Variants in CDC42BPA observed in about 807,000 individuals in gnomAD.
CDC42BPA encodes CDC42 binding protein kinase alpha.
Under a neutral mutation model 223.5 loss-of-function variants are expected in CDC42BPA, and 80 were observed. The ratio of observed to expected loss-of-function variants is 0.36; its 90% CI spans 0.30 to 0.43. CDC42BPA has a LOEUF of 0.43. Ranked by LOEUF, CDC42BPA falls within the 20% of genes least tolerant of loss-of-function variation. The probability of loss-of-function intolerance (pLI) is 1.00; values close to 1 mark genes in which losing one functional copy is unlikely to be tolerated. For missense variants in CDC42BPA, 1,743 were observed against 2,099.9 expected, an observed-to-expected ratio of 0.83 and a Z score of 3.32; for synonymous variants, 694 against 718.6, an observed-to-expected ratio of 0.97 and a Z score of 0.55.
chr1:227,106,144 T>C (rs976646420), intron 14 of CDC42BPA, among the ~76,000 whole-genome samples: 1 of 152,200 alleles, frequency 6.6e-6, no homozygotes, highest in Non-Finnish European at 1.5e-5. Context: ...CCAGTACATA[T>C]GAAGTGGTAT....
intron 1 of CDC42BPA, among the ~76,000 whole-genome samples, chr1:227,298,781 G>A (rs1691144134): frequency 6.6e-6 from 1 of 152,110 alleles, no homozygotes; most frequent in South Asian, 2.1e-4. Flanking sequence ...ACTTTACAGA[G>A]AAGAAAGCAC....
intron 10 of CDC42BPA, among the ~76,000 whole-genome samples, chr1:227,136,010 C>T (rs1271965278): frequency 6.6e-5 from 10 of 151,056 alleles, no homozygotes; most frequent in Non-Finnish European, 1.3e-4. Flanking sequence ...TTATTCATGA[C>T]ATCTTTCACA....
At chr1:227,131,365 T>C (rs992342268) in intron 10 of CDC42BPA, among the ~76,000 whole-genome samples, 6 of 152,212 alleles carry the variant, frequency 3.9e-5, no homozygotes, top group Non-Finnish European at 7.3e-5. Context: ...TGGTCAAGAA[T>C]TAGGTATGTG....
intron 2 of CDC42BPA, among the ~76,000 whole-genome samples, chr1:227,229,805 G>T (rs1240004730): frequency 6.6e-6 from 1 of 152,006 alleles, no homozygotes; most frequent in Admixed American, 6.5e-5. Context: ...TATCATTTCT[G>T]TTAGAAGTGA....
At chr1:227,106,736 T>C (rs528455289) in intron 14 of CDC42BPA, among the ~76,000 whole-genome samples, 2 of 152,328 alleles carry the variant, frequency 1.3e-5, no homozygotes, top group South Asian at 2.1e-4. Context: ...TTGAGTTAAT[T>C]TGTATAACTG....
chr1:227,006,628 T>A (rs972887796), intron 34 of CDC42BPA, among the ~76,000 whole-genome samples: 4 of 152,148 alleles, frequency 2.6e-5, no homozygotes, highest in African/African-American at 9.7e-5. Flanking sequence ...TCAAACCTCC[T>A]TTTAGTCACA....
At chr1:227,154,807 C>A (rs1455883635) in intron 6 of CDC42BPA, among the ~76,000 whole-genome samples, 3 of 151,944 alleles carry the variant, frequency 2.0e-5, no homozygotes, top group Non-Finnish European at 4.4e-5. Flanking sequence ...AAGCTAATTT[C>A]AAAGCAGGTC....
chr1:227,078,341 T>C (rs1363343955), intron 17 of CDC42BPA, among the ~76,000 whole-genome samples: 1 of 152,186 alleles, frequency 6.6e-6, no homozygotes, highest in Non-Finnish European at 1.5e-5. Context: ...TATCTCCAGC[T>C]CTGGTCAAAA....
At chr1:227,085,069 TA>T (rs775887351) in intron 16 of CDC42BPA, among the ~76,000 whole-genome samples, 5 of 152,088 alleles carry the variant, frequency 3.3e-5, no homozygotes, top group Non-Finnish European at 5.9e-5. Context: ...AACTACAAAA[TA>T]TACTCTCCTG....
chr1:227,026,228 C>T (rs369423275), intron 30 of CDC42BPA, 76 bp from the exon 31 acceptor site: 1 of 755,520 alleles, frequency 1.3e-6, no homozygotes, highest in East Asian at 2.6e-5. Flanking sequence ...AAGGTCTACA[C>T]TAAATAACTG....
chr1:227,104,036 T>C (rs1685487131), intron 14 of CDC42BPA, among the ~76,000 whole-genome samples: 1 of 152,068 alleles, frequency 6.6e-6, no homozygotes, highest in Non-Finnish European at 1.5e-5. Context: ...CTTCAAAAAG[T>C]AAAATTTTTA....
At chr1:227,048,071 A>C in intron 22 of CDC42BPA, 61 bp from the exon 23 acceptor site, 1 of 981,856 alleles carries the variant, frequency 1.0e-6, no homozygotes, top group East Asian at 2.5e-5. Context: ...TTTCAAATAT[A>C]ACTAGAAAGA....
chr1:227,241,227 A>G (rs953679270), intron 2 of CDC42BPA, among the ~76,000 whole-genome samples: 1 of 152,162 alleles, frequency 6.6e-6, no homozygotes, highest in African/African-American at 2.4e-5. Context: ...ATATTAGGCA[A>G]GAACAGGGCA....
At chr1:227,254,577 C>T (rs1171148803) in intron 1 of CDC42BPA, among the ~76,000 whole-genome samples, 1 of 152,202 alleles carries the variant, frequency 6.6e-6, no homozygotes, top group Non-Finnish European at 1.5e-5. Flanking sequence ...CACGCTCATT[C>T]ATTTGTTCCT....
rs368924673 is a variant in CDC42BPA at position 227,134,712 on chromosome 1, C to T, written c.1390+4864G>A. Reference sequence around the variant, plus strand: ...TCAGTTTAAATGTTAATCTATGTCACTGCTATGAAACAAGTATTCATACCA... The same window carrying T: ...TCAGTTTAAATGTTAATCTATGTCATTGCTATGAAACAAGTATTCATACCA... On this transcript the variant is annotated intron_variant, in intron 10 of 36. Transcript: ENST00000366766. 5.3e-5 allele frequency among the ~76,000 whole-genome samples: 8 copies of T among 152,300 alleles called. No individual in the cohort carries two copies. In the East Asian group the frequency reaches 7.7e-4, roughly 15 times the overall value.
At chr1:227,224,867 T>G (rs1676573723) in intron 2 of CDC42BPA, among the ~76,000 whole-genome samples, 1 of 152,210 alleles carries the variant, frequency 6.6e-6, no homozygotes, top group African/African-American at 2.4e-5. Context: ...GCATTTATAA[T>G]ATGGAAAAAA....
At chr1:227,096,315 A>C (rs959345758) in intron 15 of CDC42BPA, among the ~76,000 whole-genome samples, 1 of 152,166 alleles carries the variant, frequency 6.6e-6, no homozygotes, top group Non-Finnish European at 1.5e-5. Flanking sequence ...TTTTCATGTA[A>C]AACCATTCTT....
At chr1:227,134,416 TC>T (rs1658072628) in intron 10 of CDC42BPA, among the ~76,000 whole-genome samples, 1 of 152,092 alleles carries the variant, frequency 6.6e-6, no homozygotes, top group Non-Finnish European at 1.5e-5. Flanking sequence ...CTAAACTATT[TC>T]CCTAGCTCAT....
chr1:227,102,636 T>C (rs529760600), intron 14 of CDC42BPA, among the ~76,000 whole-genome samples: 2 of 152,234 alleles, frequency 1.3e-5, no homozygotes, highest in East Asian at 3.9e-4. Flanking sequence ...CCAACAATTA[T>C]GGTTACAGAT....
Sources: gnomAD v4.1 joint callset for allele counts (sites outside exome capture counted in the v4.1 genomes callset) on GRCh38, gnomAD v4.1.1 for gene constraint, MANE v1.5 for transcripts, NCBI Gene and HGNC (gene_info 2026-07-23, HGNC 2026-07-21) for gene names.